Variants in MBOAT1 observed in about 807,000 individuals in gnomAD.
MBOAT1 encodes the protein membrane bound glycerophospholipid O-acyltransferase 1.
Under a neutral mutation model 64.4 loss-of-function variants are expected in MBOAT1, and 67 were observed. The observed-to-expected ratio is 1.04, with a 90% confidence interval of 0.85 to 1.27. MBOAT1 has a LOEUF of 1.27. Ranked by LOEUF, MBOAT1 falls within the 50% of genes most tolerant of loss-of-function variation. The pLI is 0.00. For missense variants in MBOAT1, 563 were observed against 604.6 expected (o/e 0.93, Z 0.72); for synonymous variants, 229 against 218.9 (o/e 1.05, Z -0.41).
At chr6:20,212,069 C>G in intron 1 of MBOAT1, 67 bp downstream of exon 1, 3 of 1,468,934 alleles carry the variant, frequency 2.0e-6, no homozygotes, top group Non-Finnish European at 1.9e-6. Context: ...GTGGCTAACA[C>G]TTTCGCCCGC....
chr6:20,125,105 G>A (rs2113649712), intron 7 of MBOAT1, among the ~76,000 whole-genome samples: 1 of 152,274 alleles, frequency 6.6e-6, no homozygotes, highest in East Asian at 1.9e-4. Context: ...GGGAGCTCTA[G>A]AAAGCCTTCC....
intron 1 of MBOAT1, among the ~76,000 whole-genome samples, chr6:20,201,973 A>T (rs1233921136): frequency 6.6e-6 from 1 of 152,188 alleles, no homozygotes; most frequent in African/African-American, 2.4e-5. Flanking sequence ...GTAATAGATA[A>T]ATAAAATAAA....
At chr6:20,174,558 G>T (rs1184832845) in intron 1 of MBOAT1, among the ~76,000 whole-genome samples, 3 of 152,212 alleles carry the variant, frequency 2.0e-5, no homozygotes, top group Non-Finnish European at 4.4e-5. Context: ...CTCTGAGTGA[G>T]TCAGTGAGAG....
intron 1 of MBOAT1, among the ~76,000 whole-genome samples, chr6:20,209,851 G>A (rs943190243): frequency 2.2e-4 from 34 of 152,190 alleles, no homozygotes; most frequent in Admixed American, 1.1e-3. Flanking sequence ...CCACTGTGAA[G>A]AGATGGAAGG....
chr6:20,151,280 A>AG lies in MBOAT1; in HGVS notation c.246-19dup, dbSNP rs756020355. On this transcript the variant is annotated intron_variant, in intron 2 of 12. Transcript: ENST00000324607. ...CAGAGTACCTTTAAGACATAATAGT[A>AG]GGGGGAGGAGTAATGAATATATTTC... 1.3e-6 allele frequency: 2 copies of AG among 1,555,802 alleles called. No homozygotes were observed. The highest frequency in any genetic ancestry group is 1.8e-6 in the Non-Finnish European group (2 of 1,128,826).
At chr6:20,158,706 T>C (rs1397399056) in intron 1 of MBOAT1, among the ~76,000 whole-genome samples, 1 of 152,178 alleles carries the variant, frequency 6.6e-6, no homozygotes, top group Admixed American at 6.5e-5. Flanking sequence ...AAAAGAATTC[T>C]AACTGCTTAA....
chr6:20,158,908 T>C (rs1761769698), intron 1 of MBOAT1, among the ~76,000 whole-genome samples: 1 of 151,870 alleles, frequency 6.6e-6, no homozygotes, highest in East Asian at 1.9e-4. Context: ...ATCAAAAAGA[T>C]GAAAGATAAC....
At chr6:20,114,882 T>TC (rs1294458082) in intron 10 of MBOAT1, among the ~76,000 whole-genome samples, 23 of 126,906 alleles carry the variant, frequency 1.8e-4, no homozygotes, top group African/African-American at 7.2e-4. Flanking sequence ...AAACTCCTTC[T>TC]CAAAAAAAAA....
chr6:20,186,558 AGTAGGTC>A (rs1389736923), intron 1 of MBOAT1, among the ~76,000 whole-genome samples: 1 of 152,242 alleles, frequency 6.6e-6, no homozygotes, highest in African/African-American at 2.4e-5. Context: ...CCCTGGGGCT[AGTAGGTC>A]TCTGAATCTG....
At chr6:20,108,582 C>A (rs146822935) in intron 12 of MBOAT1, among the ~76,000 whole-genome samples, 3 of 152,344 alleles carry the variant, frequency 2.0e-5, no homozygotes, top group Admixed American at 2.0e-4. Flanking sequence ...TCAATCCATT[C>A]ATGACCCCTC....
At chr6:20,194,560 T>C (rs763983535) in intron 1 of MBOAT1, among the ~76,000 whole-genome samples, 4 of 152,218 alleles carry the variant, frequency 2.6e-5, no homozygotes, top group Non-Finnish European at 5.9e-5. Flanking sequence ...ACCACAGATG[T>C]AAAGTGCCAT....
At chr6:20,191,759 A>G (rs1368775881) in intron 1 of MBOAT1, among the ~76,000 whole-genome samples, 2 of 152,220 alleles carry the variant, frequency 1.3e-5, no homozygotes, top group Non-Finnish European at 2.9e-5. Context: ...GAAGCAGTCA[A>G]TTTTAAAAGG....
At chr6:20,157,413 A>G (rs1367071472) in intron 1 of MBOAT1, among the ~76,000 whole-genome samples, 1 of 152,272 alleles carries the variant, frequency 6.6e-6, no homozygotes, top group Admixed American at 6.5e-5. Context: ...GGCAGCATAT[A>G]GAAAATGTTG....
chr6:20,171,142 C>A (rs1762177899), intron 1 of MBOAT1, among the ~76,000 whole-genome samples: 1 of 152,066 alleles, frequency 6.6e-6, no homozygotes, highest in Non-Finnish European at 1.5e-5. Flanking sequence ...ATTGAGAAAA[C>A]CTTTACTGAA....
At chr6:20,126,425 C>T (rs2483766) in intron 7 of MBOAT1, 92 bp downstream of exon 7, 186,138 of 1,081,068 alleles carry the variant, frequency 0.17, 18,047 homozygotes, top group East Asian at 0.41. Context: ...GCCAAGCTTT[C>T]TGGTAAACTG....
intron 1 of MBOAT1, among the ~76,000 whole-genome samples, chr6:20,176,213 G>T (rs746256106): frequency 1.3e-5 from 2 of 151,990 alleles, no homozygotes; most frequent in Non-Finnish European, 2.9e-5. Flanking sequence ...GAGCTCAAGA[G>T]TTCAAGGTTA....
chr6:20,190,234 T>C (rs1762768519), intron 1 of MBOAT1, among the ~76,000 whole-genome samples: 1 of 152,088 alleles, frequency 6.6e-6, no homozygotes, highest in South Asian at 2.1e-4. Flanking sequence ...ACCTCATGAT[T>C]CACCCACCTT....
rs368574378 is a variant in MBOAT1, at chr6:20,152,758, C to G, written c.111G>C (p.Val37=). Residue 37 remains valine, a synonymous_variant, in exon 2 of 13, where the codon GTG becomes GTC. Coordinates refer to ENST00000324607, the MANE Select transcript of MBOAT1 (RefSeq NM_001080480.3). ...LGIPLDQVNF[V]VCQLVALFAA... is the part of the protein sequence containing the mutation. ...CAAACAGAGCAACAAGCTGGCATAC[C>G]ACAAAATTCACCTGTGGCAGGGGAA... 1.1e-4 allele frequency: 175 copies of G among 1,607,814 alleles called. No homozygotes were observed. Among genetic ancestry groups the G allele is most frequent in the Non-Finnish European group, 1.4e-4 (169 of 1,176,842 alleles).
In MBOAT1 at chr6:20,124,489, C is replaced by A. The variant is rs771181798; in HGVS notation, c.826G>T (p.Ala276Ser). The change falls in exon 8 of 13, where the codon GCA (alanine) becomes TCA (serine). Residue 276 changes from alanine (A) to serine (S), a missense_variant. Transcript: ENST00000324607. ...CLVDDWFVHK[A>S]SFPARLCYLY... is the part of the protein sequence containing the mutation. ...TAGCAGAGTCGAGCCGGAAAGCTTG[C>A]TTTATGGACAAACCAGTCATCCACA... 1 of 1,614,172 alleles carries A rather than the reference C, an allele frequency of 6.2e-7. No homozygotes were observed. The highest frequency in any genetic ancestry group is 2.2e-5 in the East Asian group (1 of 44,870).
Sources: gnomAD v4.1 joint callset for allele counts (sites outside exome capture counted in the v4.1 genomes callset) on GRCh38, gnomAD v4.1.1 for gene constraint, MANE v1.5 for transcripts, NCBI Gene and HGNC (gene_info 2026-07-23, HGNC 2026-07-21) for gene names.